EPHA7: variants seen among roughly 807,000 people sequenced by gnomAD.
EPHA7 encodes the protein EPH receptor A7, also known as ephrin type-A receptor 7.
Under a neutral mutation model 112.6 loss-of-function variants are expected in EPHA7, and 25 were observed. The ratio of observed to expected loss-of-function variants is 0.22; its 90% CI spans 0.16 to 0.31. EPHA7 has a LOEUF of 0.31. Among genes scored for constraint, EPHA7 ranks in the 10% least tolerant of loss-of-function variants. EPHA7 has a pLI of 1.00. For synonymous variants in EPHA7, 437 were observed against 406.5 expected (o/e 1.07, Z -0.90); for missense variants, 962 against 1,212.6 (o/e 0.79, Z 3.07).
intron 3 of EPHA7, among the ~76,000 whole-genome samples, chr6:93,371,004 G>GA (rs965704230): frequency 2.4e-4 from 35 of 145,216 alleles, no homozygotes; most frequent in South Asian, 6.6e-4. Flanking sequence ...AAAAAAAAAA[G>GA]AAAAAAAAAC....
chr6:93,251,944 G>A (rs1353010948), intron 14 of EPHA7, among the ~76,000 whole-genome samples: 1 of 151,970 alleles, frequency 6.6e-6, no homozygotes, highest in Non-Finnish European at 1.5e-5. Flanking sequence ...TAAAACTTAA[G>A]AAAATAATAG....
rs372731408 is a variant in EPHA7, at chr6:93,250,452, A to T, written c.2533-3467T>A. On this transcript the variant is annotated intron_variant, in intron 14 of 16. Transcript: ENST00000369303. ...AAAAACCTTATTAGGTTTAAGTATC[A>T]TTATTATACTGATTCTAGAGATAAA... Among the ~76,000 whole-genome samples, 10 of 152,264 alleles carry T rather than the reference A, an allele frequency of 6.6e-5. No homozygotes were observed. In the East Asian group the frequency reaches 1.3e-3, roughly 21 times the overall value.
At chr6:93,357,173 C>T (rs1036287986) in intron 4 of EPHA7, 121 bp from the exon 5 acceptor site, 35 of 715,234 alleles carry the variant, frequency 4.9e-5, no homozygotes, top group African/African-American at 1.8e-4. Context: ...AAAGAGAAAA[C>T]GAGTTGAAAT....
chr6:93,341,109 C>G (rs1357132692), intron 5 of EPHA7, among the ~76,000 whole-genome samples: 1 of 151,916 alleles, frequency 6.6e-6, no homozygotes, highest in Non-Finnish European at 1.5e-5. Context: ...AAAGATTGGA[C>G]TGCCTTCTCT....
At chr6:93,340,339 A>G (rs746035872) in intron 5 of EPHA7, among the ~76,000 whole-genome samples, 28 of 151,868 alleles carry the variant, frequency 1.8e-4, no homozygotes, top group Non-Finnish European at 2.8e-4. Context: ...AACAATTATC[A>G]TGAATGTATC....
At chr6:93,386,001 T>A (rs1777583053) in intron 3 of EPHA7, among the ~76,000 whole-genome samples, 1 of 152,096 alleles carries the variant, frequency 6.6e-6, no homozygotes, top group South Asian at 2.1e-4. Flanking sequence ...GAGAACAGCA[T>A]GGGCAGCAGA....
chr6:93,281,211 A>C (rs1771720821), intron 5 of EPHA7, among the ~76,000 whole-genome samples: 2 of 152,186 alleles, frequency 1.3e-5, no homozygotes, highest in Non-Finnish European at 2.9e-5. Flanking sequence ...CATTGTAAGA[A>C]AATGAAATGA....
At chr6:93,286,484 A>G (rs980311416) in intron 5 of EPHA7, among the ~76,000 whole-genome samples, 3 of 152,136 alleles carry the variant, frequency 2.0e-5, no homozygotes, top group Non-Finnish European at 4.4e-5. Flanking sequence ...AGAAGAAAGA[A>G]GATATTAGGG....
chr6:93,311,265 T>C (rs917816794), intron 5 of EPHA7, among the ~76,000 whole-genome samples: 2 of 151,908 alleles, frequency 1.3e-5, no homozygotes, highest in Non-Finnish European at 2.9e-5. Flanking sequence ...TGTGATGCTG[T>C]TTGATAACAA....
In EPHA7 at chr6:93,352,837, A is replaced by G. The variant is rs542378949; in HGVS notation, c.1324+3880T>C. Among the ~76,000 whole-genome samples, 50 of 152,256 alleles carry G rather than the reference A, an allele frequency of 3.3e-4. No homozygotes were observed. The South Asian group carries it at 0.01, about 32-fold the overall frequency. Reference sequence around the variant, plus strand: ...ATCCTTAGCAAACTAACACAGGAAGAGAAAACCAAATACCACATGTTCTTA... The same window carrying G: ...ATCCTTAGCAAACTAACACAGGAAGGGAAAACCAAATACCACATGTTCTTA... On this transcript the variant is annotated intron_variant, in intron 5 of 16. Transcript: ENST00000369303.
chr6:93,263,495 A>AAGGGCCTATCTT (rs1382240061), intron 9 of EPHA7, among the ~76,000 whole-genome samples: 7 of 151,350 alleles, frequency 4.6e-5, no homozygotes, highest in Non-Finnish European at 1.0e-4. Flanking sequence ...TGGATTAAAA[A>AAGGGCCTATCTT]AGGGCCTATC....
chr6:93,332,950 T>C (rs1774671489), intron 5 of EPHA7, among the ~76,000 whole-genome samples: 1 of 151,676 alleles, frequency 6.6e-6, no homozygotes, highest in Non-Finnish European at 1.5e-5. Context: ...TTTTGGGTCA[T>C]GGTTGTTTGG....
intron 5 of EPHA7, among the ~76,000 whole-genome samples, chr6:93,305,984 G>A (rs1244835358): frequency 6.6e-6 from 1 of 151,722 alleles, no homozygotes; most frequent in African/African-American, 2.4e-5. Flanking sequence ...TAAAATATCG[G>A]AATATAATTT....
intron 5 of EPHA7, among the ~76,000 whole-genome samples, chr6:93,292,900 A>G (rs937002123): frequency 6.6e-5 from 10 of 152,080 alleles, no homozygotes; most frequent in African/African-American, 2.4e-4. Flanking sequence ...AATTGTTTGC[A>G]CTCATTTTGG....
chr6:93,368,179 T>C lies in EPHA7; in HGVS notation c.833-9768A>G, dbSNP rs535977427. 7.2e-5 allele frequency among the ~76,000 whole-genome samples: 11 copies of C among 152,274 alleles called. No individual in the cohort carries two copies. In the East Asian group the frequency reaches 2.1e-3, roughly 29 times the overall value. ...TCAGTTGATTATGAGCTTAAGCTAATTAAATTTCTGATATTTAATAGTAAA... is the reference window on the plus strand; with the variant it reads ...TCAGTTGATTATGAGCTTAAGCTAACTAAATTTCTGATATTTAATAGTAAA... On this transcript the variant is annotated intron_variant, in intron 3 of 16. Transcript: ENST00000369303.
chr6:93,248,124 AAT>A, intron 14 of EPHA7, among the ~76,000 whole-genome samples: 1 of 152,190 alleles, frequency 6.6e-6, no homozygotes, highest in South Asian at 2.1e-4. Context: ...GGAAAAAAAA[AAT>A]CTTTGAATTT....
At chr6:93,349,701 T>C (rs116152773) in intron 5 of EPHA7, among the ~76,000 whole-genome samples, 3,258 of 151,956 alleles carry the variant, frequency 0.021, 111 homozygotes, top group African/African-American at 0.075. Context: ...CTCAATATCA[T>C]GTTCCTTTAA....
intron 3 of EPHA7, among the ~76,000 whole-genome samples, chr6:93,374,506 C>T (rs1776955313): frequency 6.6e-6 from 1 of 152,186 alleles, no homozygotes; most frequent in African/African-American, 2.4e-5. Flanking sequence ...TTTTAAGTGT[C>T]ATGCCTTACT....
At chr6:93,337,752 G>C (rs1774945906) in intron 5 of EPHA7, among the ~76,000 whole-genome samples, 1 of 152,102 alleles carries the variant, frequency 6.6e-6, no homozygotes, top group South Asian at 2.1e-4. Flanking sequence ...AGAAAGAGAA[G>C]TAAGTATCAC....
Sources: gnomAD v4.1 joint callset for allele counts (sites outside exome capture counted in the v4.1 genomes callset) on GRCh38, gnomAD v4.1.1 for gene constraint, MANE v1.5 for transcripts, NCBI Gene and HGNC (gene_info 2026-07-23, HGNC 2026-07-21) for gene names.